TFR2: variants seen among roughly 807,000 people sequenced by gnomAD.
TFR2 encodes transferrin receptor 2, also known as transferrin receptor protein 2.
A neutral mutation model predicts 91.9 loss-of-function variants in TFR2; 64 were observed. That is an observed-to-expected ratio of 0.70 (90% CI 0.57 to 0.86). The LOEUF is 0.86. Ranked by LOEUF, TFR2 falls within the 40% of genes least tolerant of loss-of-function variation. The probability of loss-of-function intolerance (pLI) is 0.00; values close to 1 mark genes in which losing one functional copy is unlikely to be tolerated. For synonymous variants in TFR2, 454 were observed against 459.6 expected, an observed-to-expected ratio of 0.99 and a Z score of 0.15; for missense variants, 950 against 1,080.5, an observed-to-expected ratio of 0.88 and a Z score of 1.69.
intron 8 of TFR2, 37 bp downstream of exon 8, chr7:100,631,768 CT>C (rs1803441338): frequency 6.3e-7 from 1 of 1,598,978 alleles, no homozygotes; most frequent in Non-Finnish European, 8.5e-7. Context: ...CTTCCTCTCT[CT>C]GCTTCCTCCT....
intron 17 of TFR2, among the ~76,000 whole-genome samples, chr7:100,624,133 A>C (rs996826875): frequency 1.1e-4 from 16 of 151,930 alleles, no homozygotes; most frequent in Non-Finnish European, 1.8e-4. Context: ...AAACCTCTCT[A>C]ATTTCCTTGA....
At position 100,626,782 on chromosome 7, in the gene TFR2, T is replaced by C; in HGVS notation, c.2117A>G (p.Tyr706Cys). ...EERDERLTRM[Y>C]NVRIMRVEFY... ...CCTCACCCGCATTATGCGCACGTTG[T>C]ACATGCGTGTCAGTCGCTCGTCTCT... is the stretch of plus-strand genomic sequence containing the variant. The change falls in exon 17 of 18, where the codon TAC (tyrosine) becomes TGC (cysteine). Residue 706 changes from tyrosine (Y) to cysteine (C), a missense_variant. By Grantham distance (194) the Tyr-to-Cys change is radical. Transcript: ENST00000223051. The C allele has an allele frequency of 6.5e-7, 1 of 1,547,138 alleles. No homozygotes were observed. Among genetic ancestry groups the C allele is most frequent in the Non-Finnish European group, 8.7e-7 (1 of 1,146,872 alleles).
chr7:100,629,874 T>C (rs1344609251), intron 9 of TFR2, among the ~76,000 whole-genome samples: 1 of 152,108 alleles, frequency 6.6e-6, no homozygotes, highest in Admixed American at 6.6e-5. Context: ...GCCTCCTGAG[T>C]AGCTGGGAGT....
intron 17 of TFR2, among the ~76,000 whole-genome samples, chr7:100,626,204 G>A (rs1417243093): frequency 2.0e-5 from 3 of 152,160 alleles, no homozygotes; most frequent in African/African-American, 7.2e-5. Context: ...AACTGGAGGT[G>A]GGGTGTGGGC....
rs113950635 is a variant in TFR2, at chr7:100,620,953, G to T, written c.2310C>A (p.Ser770Arg). ...GCAGGGCTAGCTGACGCCGGAAACG[G>T]CTCTCCTGGAAGCCAGTGGAGGAGG... is the stretch of plus-strand genomic sequence containing the variant. ...GATSSTGFQE[S>R]RFRRQLALLT... The change falls in exon 18 of 18, where the codon AGC becomes AGA. Residue 770 changes from serine (S) to arginine (R), a missense_variant. Ser to Arg is a moderately radical substitution (Grantham distance 110). Coordinates refer to ENST00000223051, the MANE Select transcript of TFR2 (RefSeq NM_003227.4). The T allele has an allele frequency of 6.2e-7, 1 of 1,613,746 alleles. No homozygotes were observed. Among genetic ancestry groups the T allele is most frequent in the Non-Finnish European group, 8.5e-7 (1 of 1,179,856 alleles).
Position 100,627,304 on chromosome 7 carries a change from C to T in TFR2, c.1955G>A (p.Arg652Lys), listed in dbSNP as rs930230794. The T allele has an allele frequency of 7.7e-6, 12 of 1,549,562 alleles. No individual in the cohort carries two copies. In the Admixed American group the frequency reaches 2.4e-4, roughly 30 times the overall value. ...GAACTCGTTGAGGTTCCCGATGTGCCTGAGGACGACGTCCCCGTAGCGGCC... is the reference window on the plus strand; with the variant it reads ...GAACTCGTTGAGGTTCCCGATGTGCTTGAGGACGACGTCCCCGTAGCGGCC... ...DFGRYGDVVL[R>K]HIGNLNEFSG... The change falls in exon 16 of 18, where the codon AGG (arginine) becomes AAG (lysine). Residue 652 changes from arginine (R) to lysine (K), a missense_variant. Arg to Lys is a conservative substitution (Grantham distance 26). Transcript: ENST00000223051.
chr7:100,638,763 AAAAAAAAATAGC>A (rs1304778241), intron 3 of TFR2, among the ~76,000 whole-genome samples: 1 of 151,788 alleles, frequency 6.6e-6, no homozygotes, highest in East Asian at 1.9e-4. Context: ...AAAGTAAAAA[AAAAAAAAATAGC>A]CGGGCATAGT....
In TFR2 at chr7:100,620,863, G is replaced by A. The variant is rs766681676; in HGVS notation, c.2400C>T (p.Asn800=). 5 of 1,613,948 alleles carry A rather than the reference G, an allele frequency of 3.1e-6. No individual in the cohort carries two copies. In the East Asian group the frequency reaches 1.1e-4, roughly 36 times the overall value. The stretch of plus-strand genomic sequence containing the variant: ...TGTGAGGATCCCCAGGGCCTCAGAA[G>A]TTGTTATCAATGTTCCAGACATCCC... The part of the protein sequence containing the change: ...LSGDVWNIDN[N]F Residue 800 remains asparagine (N), a synonymous_variant, in exon 18 of 18, where the codon AAC becomes AAT. Coordinates refer to ENST00000223051, the MANE Select transcript of TFR2 (RefSeq NM_003227.4).
intron 17 of TFR2, among the ~76,000 whole-genome samples, chr7:100,624,320 C>G (rs1039608610): frequency 6.6e-6 from 1 of 152,172 alleles, no homozygotes; most frequent in African/African-American, 2.4e-5. Context: ...ACTGCCACAC[C>G]CGAATTCTGG....
chr7:100,631,537 T>C, intron 8 of TFR2: 1 of 380,930 alleles, frequency 2.6e-6, no homozygotes, highest in Non-Finnish European at 4.9e-6. Flanking sequence ...GGCAGAAGAA[T>C]CACTTGAACC....
chr7:100,632,791 G>T, intron 6 of TFR2: 15 of 474,132 alleles, frequency 3.2e-5, no homozygotes, highest in Non-Finnish European at 4.5e-5. Context: ...GTGTTGCCTT[G>T]AATTCCTGGC....
In TFR2 at chr7:100,633,274, C is replaced by T; in HGVS notation, c.681G>A (p.Glu227=). The T allele has an allele frequency of 6.2e-7, 1 of 1,613,886 alleles. No individual in the cohort carries two copies. Among genetic ancestry groups the T allele is most frequent in the Non-Finnish European group, 8.5e-7 (1 of 1,179,872 alleles). ...TGTAGGGGCAGTAGACGTCAGGGTC[C>T]TCCAGCGGCAGCTGCTCTCCGACCT... ...AGKVGEQLPL[E]DPDVYCPYSA... Residue 227 remains glutamate (E), a synonymous_variant, in exon 5 of 18, where the codon GAG becomes GAA. Transcript: ENST00000223051.
chr7:100,641,151 T>TTCCTCC lies in TFR2; in HGVS notation c.105_110dup (p.Glu38_Glu39dup), dbSNP rs985651319. 4.5e-6 allele frequency: 7 copies of TTCCTCC among 1,541,984 alleles called. No individual in the cohort carries two copies. Among genetic ancestry groups the TTCCTCC allele is most frequent in the Non-Finnish European group, 6.1e-6 (7 of 1,143,760 alleles). ...CCGCCCCCTCCTCCCCGTCTTCCTC[T>TTCCTCC]TCCTCCTCCAGGTGCCCTTTCCGGG... On this transcript the variant is annotated inframe_insertion, in exon 2 of 18. Coordinates refer to ENST00000223051, the MANE Select transcript of TFR2 (RefSeq NM_003227.4).
intron 16 of TFR2, 150 bp from the exon 17 acceptor site, chr7:100,627,053 C>T (rs1469398992): frequency 2.9e-6 from 4 of 1,364,446 alleles, no homozygotes; most frequent in East Asian, 2.5e-5. Context: ...GTGCTGGAGG[C>T]AGGATGAAGG....
At position 100,620,936 on chromosome 7, in the gene TFR2, A is replaced by G. The variant is rs375561858; in HGVS notation, c.2327T>C (p.Leu776Pro). 6.8e-6 allele frequency: 11 copies of G among 1,614,034 alleles called. No individual in the cohort carries two copies. The highest frequency in any genetic ancestry group is 1.3e-5 in the African/African-American group (1 of 74,954). ...TTGCAGCGTCCAGGTGAGCAGGGCT[A>G]GCTGACGCCGGAAACGGCTCTCCTG... ...GFQESRFRRQLALLTWTLQGA... is the reference protein window; with the variant it reads ...GFQESRFRRQPALLTWTLQGA... Residue 776 changes from leucine (L) to proline (P), a missense_variant, in exon 18 of 18, where the codon CTA becomes CCA. Leu to Pro is a moderately conservative substitution (Grantham distance 98, BLOSUM62 -3). Coordinates refer to ENST00000223051, the MANE Select transcript of TFR2 (RefSeq NM_003227.4).
At chr7:100,635,177 C>A (rs747858377) in intron 3 of TFR2, among the ~76,000 whole-genome samples, 20 of 151,782 alleles carry the variant, frequency 1.3e-4, no homozygotes, top group Non-Finnish European at 2.6e-4. Context: ...TGGCCTCAGG[C>A]AATCAGCCCA....
In TFR2 at chr7:100,627,727, C is replaced by CT; in HGVS notation, c.1682+16dup. On this transcript the variant is annotated intron_variant, in intron 14 of 17. Coordinates refer to ENST00000223051, the MANE Select transcript of TFR2 (RefSeq NM_003227.4). ...CCCCCACATCCCTCCCCAGCTCTCC[C>CT]TACCCCCCCAACTTACACCTCAGCA... 1 of 1,614,010 alleles carries CT rather than the reference C, an allele frequency of 6.2e-7. No individual in the cohort carries two copies. The highest frequency in any genetic ancestry group is 8.5e-7 in the Non-Finnish European group (1 of 1,179,950).
intron 3 of TFR2, among the ~76,000 whole-genome samples, chr7:100,633,877 T>A (rs1004323086): frequency 6.6e-6 from 1 of 151,412 alleles, no homozygotes; most frequent in Non-Finnish European, 1.5e-5. Flanking sequence ...CCCGGCTAAT[T>A]TTTGTATTTT....
In TFR2 at chr7:100,627,561, G is replaced by A. The variant is rs374192716; in HGVS notation, c.1767+16C>T. ...AGGACTAGCGCTGTGTCTGGGGCAG[G>A]GGGAGGACGTCTCACCTCCATAAAG... On this transcript the variant is annotated intron_variant, in intron 15 of 17. Transcript: ENST00000223051. 25 of 1,614,006 alleles carry A rather than the reference G, an allele frequency of 1.5e-5. No individual in the cohort carries two copies. The highest frequency in any genetic ancestry group is 2.7e-5 in the African/African-American group (2 of 74,934).
Sources: allele counts gnomAD v4.1 joint callset (sites outside exome capture counted in the v4.1 genomes callset), GRCh38; gene constraint gnomAD v4.1.1; transcripts MANE v1.5; gene names NCBI Gene and HGNC (gene_info 2026-07-23, HGNC 2026-07-21).